The following TBX15 variants were observed in gnomAD, a reference collection of about 807,000 sequenced individuals.
The protein encoded by TBX15 is T-box transcription factor 15.
TBX15 carries 18 observed loss-of-function variants against 53.9 expected under a neutral mutation model. That is an observed-to-expected ratio of 0.33 (90% CI 0.23 to 0.49). The LOEUF (loss-of-function observed/expected upper bound fraction) is 0.49. Ranked by LOEUF, TBX15 falls within the 20% of genes least tolerant of loss-of-function variation. The probability of loss-of-function intolerance (pLI) is 0.98; values close to 1 mark genes in which losing one functional copy is unlikely to be tolerated. For synonymous variants in TBX15, 295 were observed against 278.0 expected, an observed-to-expected ratio of 1.06 and a Z score of -0.61; for missense variants, 692 against 749.5, an observed-to-expected ratio of 0.92 and a Z score of 0.90.
intron 1 of TBX15, among the ~76,000 whole-genome samples, chr1:118,959,298 A>G (rs1011565735): frequency 6.6e-6 from 1 of 152,186 alleles, no homozygotes; most frequent in Non-Finnish European, 1.5e-5. Flanking sequence ...GGCGAATAAG[A>G]ATATGTATTT....
In TBX15 at chr1:118,908,272, T is replaced by C. The variant is rs568920871; in HGVS notation, c.926+5843A>G. ...GTTTTATTCTCTATTCCTGGCACCA[T>C]GGAAAAAAAATACAAGAACAGAAAC... On this transcript the variant is annotated intron_variant, in intron 6 of 7. Transcript: ENST00000369429. 1.3e-3 allele frequency among the ~76,000 whole-genome samples: 188 copies of C among 150,152 alleles called. 1 individual carries two copies. Among genetic ancestry groups the C allele is most frequent in the African/African-American group, 4.4e-3 (180 of 40,764 alleles).
At chr1:118,973,704 C>T (rs881672) in intron 1 of TBX15, among the ~76,000 whole-genome samples, 29,368 of 151,918 alleles carry the variant, frequency 0.19, 3,391 homozygotes, top group East Asian at 0.49. Context: ...CCCACGCAGG[C>T]TAGGGAACTG....
At chr1:118,929,010 T>G (rs1321737602) in intron 2 of TBX15, among the ~76,000 whole-genome samples, 1 of 152,210 alleles carries the variant, frequency 6.6e-6, no homozygotes, top group African/African-American at 2.4e-5. Flanking sequence ...GCATAGAATA[T>G]CAAGTGAAGT....
rs1654529447 is a variant in TBX15, at chr1:118,899,132, A to G, written c.927-7T>C. On this transcript the variant is annotated splice_polypyrimidine_tract_variant and splice_region_variant and intron_variant, in intron 6 of 7. Transcript: ENST00000369429. ...GATGGCTTCAAGTCCAGTTCTGACA[A>G]GAGAAAAGCCAGCAAAGGAAGTCAT... is the stretch of plus-strand genomic sequence containing the variant. 1.2e-6 allele frequency: 2 copies of G among 1,612,968 alleles called. No individual in the cohort carries two copies. Among genetic ancestry groups the G allele is most frequent in the Non-Finnish European group, 8.5e-7 (1 of 1,179,210 alleles).
intron 1 of TBX15, among the ~76,000 whole-genome samples, chr1:118,977,706 ATC>A: frequency 6.6e-6 from 1 of 152,354 alleles, no homozygotes; most frequent in Middle Eastern, 3.4e-3. Context: ...ACAGTTTTGC[ATC>A]TGACCCTGCC....
chr1:118,935,248 A>G (rs1271644901), intron 1 of TBX15, among the ~76,000 whole-genome samples: 1 of 152,196 alleles, frequency 6.6e-6, no homozygotes, highest in African/African-American at 2.4e-5. Context: ...ATTAATTAGG[A>G]TGTATAATAA....
chr1:118,963,725 A>G (rs1475034034), intron 1 of TBX15, among the ~76,000 whole-genome samples: 1 of 152,250 alleles, frequency 6.6e-6, no homozygotes, highest in Admixed American at 6.5e-5. Context: ...GTGGGTCTCA[A>G]TTAATGAACT....
intron 6 of TBX15, among the ~76,000 whole-genome samples, chr1:118,903,411 T>G (rs1654701548): frequency 6.6e-6 from 1 of 152,196 alleles, no homozygotes; most frequent in African/African-American, 2.4e-5. Context: ...AAATATTTGA[T>G]AAGTACAACA....
At chr1:118,953,766 A>G (rs1656594365) in intron 1 of TBX15, among the ~76,000 whole-genome samples, 3 of 152,200 alleles carry the variant, frequency 2.0e-5, no homozygotes, top group Non-Finnish European at 4.4e-5. Context: ...TCACTATGTG[A>G]AATTTTTTGA....
chr1:118,888,987 T>C (rs1339093407), intron 7 of TBX15, among the ~76,000 whole-genome samples: 2 of 151,844 alleles, frequency 1.3e-5, no homozygotes, highest in Admixed American at 1.3e-4. Context: ...GAGAGGCAAA[T>C]GTTAAAAAGT....
At chr1:118,914,009 G>A in intron 6 of TBX15, 106 bp downstream of exon 6, 1 of 1,091,972 alleles carries the variant, frequency 9.2e-7, no homozygotes, top group Non-Finnish European at 1.4e-6. Context: ...CACAGTGGCG[G>A]AGCATACAGG....
At chr1:118,907,704 C>T (rs1295600053) in intron 6 of TBX15, among the ~76,000 whole-genome samples, 2 of 152,206 alleles carry the variant, frequency 1.3e-5, no homozygotes, top group South Asian at 4.1e-4. Context: ...ACTCTTGCTC[C>T]TCTTTAGCTT....
Position 118,885,023 on chromosome 1 carries a change from G to T in TBX15, c.1518C>A (p.Tyr506Ter). ...FGGSHMQQSS[Y>*]NAFSLHNPYN... is the part of the protein sequence containing the mutation. ...AAGGGTTGTGAAGGGAGAAGGCATT[G>T]TAGGAGCTCTGCTGCATGTGGCTGC... Residue 506 changes from tyrosine to a stop codon, truncating the protein, a stop_gained, in exon 8 of 8, where the codon TAC (tyrosine) becomes TAA (stop). Transcript: ENST00000369429. LOFTEE classifies it high-confidence loss of function. 1 of 1,614,140 alleles carries T rather than the reference G, an allele frequency of 6.2e-7. No homozygotes were observed. Among genetic ancestry groups the T allele is most frequent in the South Asian group, 1.1e-5 (1 of 91,086 alleles).
intron 1 of TBX15, among the ~76,000 whole-genome samples, chr1:118,982,593 A>G (rs916860875): frequency 6.6e-6 from 1 of 152,236 alleles, no homozygotes; most frequent in African/African-American, 2.4e-5. Context: ...CACAATACCC[A>G]GTATTTTTAG....
intron 1 of TBX15, among the ~76,000 whole-genome samples, chr1:118,977,657 G>C (rs531456537): frequency 4.5e-4 from 68 of 152,312 alleles, no homozygotes; most frequent in African/African-American, 1.6e-3. Flanking sequence ...AAGTCCTACA[G>C]ATAGAAACAC....
chr1:118,965,778 A>G (rs1657018162), intron 1 of TBX15, among the ~76,000 whole-genome samples: 1 of 152,214 alleles, frequency 6.6e-6, no homozygotes, highest in South Asian at 2.1e-4. Context: ...ACTATTTGAC[A>G]GTCTCCAACA....
intron 7 of TBX15, among the ~76,000 whole-genome samples, chr1:118,893,995 G>C (rs1344643854): frequency 6.6e-6 from 1 of 152,154 alleles, no homozygotes; most frequent in East Asian, 1.9e-4. Context: ...TCACCTTAAG[G>C]ATACTTGGCC....
chr1:118,928,254 T>C (rs1014988218), intron 2 of TBX15, among the ~76,000 whole-genome samples: 1 of 152,230 alleles, frequency 6.6e-6, no homozygotes, highest in Admixed American at 6.5e-5. Flanking sequence ...TGGCTAATTC[T>C]TATATGGTTA....
chr1:118,942,961 G>A (rs559915367), intron 1 of TBX15, among the ~76,000 whole-genome samples: 1 of 152,168 alleles, frequency 6.6e-6, no homozygotes, highest in African/African-American at 2.4e-5. Flanking sequence ...TGTCTGCAGT[G>A]AAGTGGGGTT....
Sources: gnomAD v4.1 joint callset for allele counts (sites outside exome capture counted in the v4.1 genomes callset) on GRCh38, gnomAD v4.1.1 for gene constraint, MANE v1.5 for transcripts, NCBI Gene and HGNC (gene_info 2026-07-23, HGNC 2026-07-21) for gene names.